GSG1L: variants seen among roughly 807,000 people sequenced by gnomAD.
The protein encoded by GSG1L is germ cell-specific gene 1-like protein.
A neutral mutation model predicts 42.1 loss-of-function variants in GSG1L; 24 were observed. That is an observed-to-expected ratio of 0.57 (90% CI 0.41 to 0.80). GSG1L has a LOEUF of 0.80. GSG1L is among the 30% of genes least tolerant of loss of function. GSG1L has a pLI of 0.00. For synonymous variants in GSG1L, 215 were observed against 203.5 expected (o/e 1.06, Z -0.48); for missense variants, 445 against 472.2 (o/e 0.94, Z 0.53).
chr16:27,939,352 T>A (rs964362483), intron 2 of GSG1L, among the ~76,000 whole-genome samples: 3 of 152,144 alleles, frequency 2.0e-5, no homozygotes, highest in African/African-American at 7.2e-5. Context: ...GGTCTCAAAC[T>A]CCTGGACTCA....
At chr16:28,043,535 C>T (rs1050244429) in intron 1 of GSG1L, among the ~76,000 whole-genome samples, 1 of 152,022 alleles carries the variant, frequency 6.6e-6, no homozygotes, top group African/African-American at 2.4e-5. Flanking sequence ...AAGTGGTGTC[C>T]CTGAAGATGG....
At chr16:27,897,724 T>C (rs918050215) in intron 2 of GSG1L, among the ~76,000 whole-genome samples, 1 of 152,188 alleles carries the variant, frequency 6.6e-6, no homozygotes, top group African/African-American at 2.4e-5. Context: ...TCCACAGAGA[T>C]ACCTCGCTGT....
intron 2 of GSG1L, among the ~76,000 whole-genome samples, chr16:27,959,886 T>C (rs1293381253): frequency 6.6e-6 from 1 of 152,164 alleles, no homozygotes; most frequent in African/African-American, 2.4e-5. Context: ...TAAAAAATGG[T>C]TGTGGCTTAG....
chr16:27,837,487 C>G (rs1031148586), intron 4 of GSG1L, among the ~76,000 whole-genome samples: 8 of 152,202 alleles, frequency 5.3e-5, no homozygotes, highest in Non-Finnish European at 8.8e-5. Context: ...TGATACCTGG[C>G]TGGGAGGGGC....
In GSG1L at chr16:27,789,006, C is replaced by A. The variant is rs549534125; in HGVS notation, c.*2364G>T. On this transcript the variant is annotated 3_prime_UTR_variant, in exon 7 of 7. Transcript: ENST00000447459. ...TGGCACATAGTAGGGGCACAGTGAACTATATCAGTGAATAGATGGATGCAC... is the reference window on the plus strand; with the variant it reads ...TGGCACATAGTAGGGGCACAGTGAAATATATCAGTGAATAGATGGATGCAC... 1 of 152,196 alleles carries A rather than the reference C, an allele frequency of 6.6e-6. No homozygotes were observed. The highest frequency in any genetic ancestry group is 2.4e-5 in the African/African-American group (1 of 41,428). 9.4% of individuals were successfully genotyped at this position (152,196 alleles called of 1,614,324 possible).
chr16:27,962,857 C>T (rs897356215), intron 2 of GSG1L, among the ~76,000 whole-genome samples: 2 of 152,200 alleles, frequency 1.3e-5, no homozygotes, highest in Non-Finnish European at 2.9e-5. Flanking sequence ...AACCAAACGT[C>T]CACACCCCCA....
At chr16:27,838,711 T>G (rs2083346304) in intron 4 of GSG1L, among the ~76,000 whole-genome samples, 1 of 152,088 alleles carries the variant, frequency 6.6e-6, no homozygotes, top group Non-Finnish European at 1.5e-5. Context: ...GGGGTACAGA[T>G]TCACCATGTG....
intron 2 of GSG1L, among the ~76,000 whole-genome samples, chr16:27,920,292 T>C (rs1286235675): frequency 6.6e-6 from 1 of 152,230 alleles, no homozygotes; most frequent in Non-Finnish European, 1.5e-5. Context: ...TGTGGGCTTT[T>C]TTGGACTGTA....
intron 2 of GSG1L, among the ~76,000 whole-genome samples, chr16:27,935,484 C>T (rs566902654): frequency 5.9e-4 from 88 of 147,962 alleles, no homozygotes; most frequent in African/African-American, 1.8e-3. Flanking sequence ...GTTAGGCTCT[C>T]GGCTATACGC....
intron 3 of GSG1L, among the ~76,000 whole-genome samples, chr16:27,850,122 G>A (rs544887998): frequency 3.9e-5 from 5 of 128,208 alleles, no homozygotes; most frequent in Non-Finnish European, 6.2e-5. Context: ...TCTGCCTCCC[G>A]GGTTCAAGTG....
At chr16:27,814,545 C>T (rs892415653) in intron 5 of GSG1L, among the ~76,000 whole-genome samples, 35 of 151,996 alleles carry the variant, frequency 2.3e-4, no homozygotes, top group African/African-American at 8.2e-4. Context: ...ATCAGCCAGG[C>T]GTGGTGGCGG....
chr16:27,866,215 C>T (rs1240381872), intron 3 of GSG1L, among the ~76,000 whole-genome samples: 1 of 152,150 alleles, frequency 6.6e-6, no homozygotes, highest in African/African-American at 2.4e-5. Context: ...TGTCCACACC[C>T]CCTCTCCCGT....
Position 27,900,127 on chromosome 16 carries a change from A to C in GSG1L, c.398-15489T>G, listed in dbSNP as rs900927808. Among the ~76,000 whole-genome samples, 5 of 152,270 alleles carry C rather than the reference A, an allele frequency of 3.3e-5. No homozygotes were observed. The East Asian group carries it at 7.7e-4, about 24-fold the overall frequency. ...AACAGCAGTGACTGCACAAACCCAG[A>C]CACTGTTTCCTGGGAATGCAGACAG... On this transcript the variant is annotated intron_variant, in intron 2 of 6. Transcript: ENST00000447459.
chr16:27,961,277 A>T (rs1199788891), intron 2 of GSG1L, among the ~76,000 whole-genome samples: 1 of 152,188 alleles, frequency 6.6e-6, no homozygotes, highest in East Asian at 1.9e-4. Context: ...CCCGGGACAC[A>T]CGCACACATG....
At chr16:28,036,309 G>T (rs1175667633) in intron 1 of GSG1L, among the ~76,000 whole-genome samples, 2 of 152,128 alleles carry the variant, frequency 1.3e-5, no homozygotes, top group African/African-American at 4.8e-5. Flanking sequence ...TCCCCTAAAG[G>T]CCACAGGTTC....
In GSG1L at chr16:27,888,517, T is replaced by C. The variant is rs1388050845; in HGVS notation, c.398-3879A>G. 1.4e-3 allele frequency among the ~76,000 whole-genome samples: 26 copies of C among 18,606 alleles called. 4 individuals are homozygous for C. Among genetic ancestry groups the C allele is most frequent in the Admixed American group, 2.9e-3 (3 of 1,040 alleles). 12.2% of individuals were successfully genotyped at this position (18,606 alleles called of 152,430 possible). A position where few individuals can be genotyped will look rare whatever the true frequency, so the allele number is the denominator to read the frequency against. The stretch of plus-strand genomic sequence containing the variant: ...TTTCTTTCTTTCTTTCTTTCTTTCT[T>C]TCTTTCTTTCTTTCTTTCTTTCTTT... On this transcript the variant is annotated intron_variant, in intron 2 of 6. Coordinates refer to ENST00000447459, the MANE Select transcript of GSG1L (RefSeq NM_001109763.2).
chr16:27,934,072 T>A (rs2084686895), intron 2 of GSG1L, among the ~76,000 whole-genome samples: 1 of 152,164 alleles, frequency 6.6e-6, no homozygotes, highest in East Asian at 1.9e-4. Context: ...ACAGCAGAGG[T>A]GCTTTGCAGC....
chr16:27,886,977 A>G (rs1186219092), intron 2 of GSG1L, among the ~76,000 whole-genome samples: 1 of 151,146 alleles, frequency 6.6e-6, no homozygotes, highest in African/African-American at 2.4e-5. Flanking sequence ...TCTTTCTTAG[A>G]CAGGGTCTCA....
At chr16:27,944,171 A>G (rs2084836648) in intron 2 of GSG1L, among the ~76,000 whole-genome samples, 1 of 152,174 alleles carries the variant, frequency 6.6e-6, no homozygotes. Flanking sequence ...TTTTTGCCTT[A>G]CAATAATTTG....
Sources: gnomAD v4.1 joint callset for allele counts (sites outside exome capture counted in the v4.1 genomes callset) on GRCh38, gnomAD v4.1.1 for gene constraint, MANE v1.5 for transcripts, NCBI Gene and HGNC (gene_info 2026-07-23, HGNC 2026-07-21) for gene names.